Variants in PCP2 observed in about 807,000 individuals in gnomAD.
PCP2 encodes the protein Purkinje cell protein 2.
In PCP2, 21 loss-of-function variants were observed where a neutral mutation model predicts 18.3. The observed-to-expected ratio is 1.14, with a 90% CI of 0.81 to 1.65. The LOEUF is 1.65. Ranked by LOEUF, PCP2 falls within the 40% of genes most tolerant of loss-of-function variation. PCP2 has a pLI of 0.00. For synonymous variants in PCP2, 85 were observed against 77.6 expected, an observed-to-expected ratio of 1.10 and a Z score of -0.50; for missense variants, 202 against 201.8, an observed-to-expected ratio of 1.00 and a Z score of 0.00.
chr19:7,631,991 G>T, intron 3 of PCP2, 183 bp from the exon 4 acceptor site: 1 of 547,648 alleles, frequency 1.8e-6, no homozygotes, highest in Non-Finnish European at 2.9e-6. Flanking sequence ...CAGGTCTTGG[G>T]GCCCTCGCTG....
intron 1 of PCP2, 106 bp downstream of exon 1, chr19:7,633,301 G>T: frequency 1.7e-6 from 2 of 1,164,908 alleles, no homozygotes; most frequent in Non-Finnish European, 2.5e-6. Flanking sequence ...GGGTCAGGGG[G>T]TCCTAGGAGA....
chr19:7,633,638 C>G lies in PCP2; in HGVS notation c.-181G>C, dbSNP rs1200556236. The G allele has an allele frequency of 3.2e-6, 2 of 626,850 alleles. No individual in the cohort carries two copies. Among genetic ancestry groups the G allele is most frequent in the African/African-American group, 3.7e-5 (2 of 53,610 alleles). 38.8% of individuals were successfully genotyped at this position (626,850 alleles called of 1,614,324 possible). On this transcript the variant is annotated 5_prime_UTR_variant, in exon 1 of 4. Coordinates refer to ENST00000311069, the MANE Select transcript of PCP2 (RefSeq NM_174895.3). ...AAGATCATCCAGATAATTGTTTGCC[C>G]ACAACGATGCTGGATCTGGCATGGT...
In PCP2 at chr19:7,633,536, G is replaced by C. The variant is rs558700311; in HGVS notation, c.-79C>G. The C allele has an allele frequency of 1.4e-6, 2 of 1,410,016 alleles. No homozygotes were observed. Among genetic ancestry groups the C allele is most frequent in the Non-Finnish European group, 2.0e-6 (2 of 1,022,100 alleles). 87.3% of individuals were successfully genotyped at this position (1,410,016 alleles called of 1,614,324 possible). Reference sequence around the variant, plus strand: ...AGAGGGCCTTTTAAACGTCCAGGACGTGGGGGTGTGGATTCCCCCCATCCC... The same window carrying C: ...AGAGGGCCTTTTAAACGTCCAGGACCTGGGGGTGTGGATTCCCCCCATCCC... On this transcript the variant is annotated 5_prime_UTR_variant, in exon 1 of 4. Transcript: ENST00000311069.
rs1272588014 is a variant in PCP2 at position 7,633,035 on chromosome 19, G to A, written c.52-205C>T. ...CCCAATCCCGGCCCCCGCCCCAGGG[G>A]CCCTGGCCAGCAGTGCCACTTCACG... is the stretch of plus-strand genomic sequence containing the variant. On this transcript the variant is annotated intron_variant, in intron 1 of 3. Transcript: ENST00000311069. The A allele has an allele frequency of 3.5e-6, 5 of 1,425,448 alleles. No individual in the cohort carries two copies. The East Asian group carries it at 1.0e-4, about 29-fold the overall frequency. 88.3% of individuals were successfully genotyped at this position (1,425,448 alleles called of 1,614,324 possible). A position where few individuals can be genotyped will look rare whatever the true frequency, so the allele number is the denominator to read the frequency against.
At chr19:7,635,105 G>T (rs1476754904), upstream of PCP2, among the ~76,000 whole-genome samples, 1 of 152,156 alleles carries the variant, frequency 6.6e-6, no homozygotes, top group African/African-American at 2.4e-5. Context: ...CATATCTTTT[G>T]GGGGTTAGTG....
rs1568459397 is a variant in PCP2 at position 7,632,969 on chromosome 19, CCT to C, written c.52-141_52-140del. ...AGCTCTCACCATGGTCCCCGCCGAT[CCT>C]CTCTGCAGAGCTGTTCTGAATGAGA... On this transcript the variant is annotated intron_variant, in intron 1 of 3. Transcript: ENST00000311069. This position sits in a 1 kb window ranked among gnomAD's most constrained non-coding sequence, Gnocchi z 5.2. 2.7e-6 allele frequency: 4 copies of C among 1,468,316 alleles called. No homozygotes were observed. Among genetic ancestry groups the C allele is most frequent in the South Asian group, 1.4e-5 (1 of 73,188 alleles). 91.0% of individuals were successfully genotyped at this position (1,468,316 alleles called of 1,614,324 possible).
At chr19:7,633,284 C>T (rs2146197604) in intron 1 of PCP2, 123 bp downstream of exon 1, 6 of 1,046,944 alleles carry the variant, frequency 5.7e-6, no homozygotes, top group Non-Finnish European at 5.6e-6. Flanking sequence ...TTTCTACAGC[C>T]ACAACTGGGT....
Position 7,632,135 on chromosome 19 carries a change from TCC to T in PCP2, c.291+256_291+257del. 1 of 600,552 alleles carries T rather than the reference TCC, an allele frequency of 1.7e-6. No homozygotes were observed. The highest frequency in any genetic ancestry group is 2.8e-6 in the Non-Finnish European group (1 of 351,704). The allele number at this position is 600,552 out of a possible 1,614,324, so 37.2% of individuals were successfully genotyped here. On this transcript the variant is annotated intron_variant, in intron 3 of 3. Coordinates refer to ENST00000311069, the MANE Select transcript of PCP2 (RefSeq NM_174895.3). The surrounding 1 kb of genome is among the most constrained non-coding windows in gnomAD (Gnocchi z 5.2). ...TTTCCTAGGAAGGGGTCCTATTTTC[TCC>T]CTTTGGCCTCCCCAGAACCTTCAGA...
Position 7,632,772 on chromosome 19 carries a change from C to CG in PCP2, c.109dup (p.Arg37ProfsTer44), listed in dbSNP as rs2031379174. 6.4e-7 allele frequency: 1 copy of CG among 1,567,974 alleles called. No homozygotes were observed. Among genetic ancestry groups the CG allele is most frequent in the Non-Finnish European group, 8.6e-7 (1 of 1,160,476 alleles). ...CAGTGAACAGCGCTGTCCCTCCATCCGGTCGCCCTGCACGTGGCTCAGCAG... is the reference window on the plus strand; with the variant it reads ...CAGTGAACAGCGCTGTCCCTCCATCCGGGTCGCCCTGCACGTGGCTCAGCAG... On this transcript the variant is annotated frameshift_variant, in exon 2 of 4. Coordinates refer to ENST00000311069, the MANE Select transcript of PCP2 (RefSeq NM_174895.3). LOFTEE classifies it high-confidence loss of function. The surrounding 1 kb of genome is among the most constrained non-coding windows in gnomAD (Gnocchi z 5.2).
chr19:7,634,600 G>A (rs141498353), upstream of PCP2, among the ~76,000 whole-genome samples: 192 of 152,318 alleles, frequency 1.3e-3, no homozygotes, highest in African/African-American at 4.5e-3. Flanking sequence ...AAACTCCTGG[G>A]TTCATGTGAT....
In PCP2 at chr19:7,633,602, T is replaced by A; in HGVS notation, c.-145A>T. 1 of 727,130 alleles carries A rather than the reference T, an allele frequency of 1.4e-6. No individual in the cohort carries two copies. Among genetic ancestry groups the A allele is most frequent in the East Asian group, 2.8e-5 (1 of 36,232 alleles). The allele number at this position is 727,130 out of a possible 1,614,324, so 45.0% of individuals were successfully genotyped here. A position where few individuals can be genotyped will look rare whatever the true frequency, so the allele number is the denominator to read the frequency against. ...TGCCCCATCTGCTCCCACCCAAGCT[T>A]AAGCCCCATAAAGATCATCCAGATA... On this transcript the variant is annotated 5_prime_UTR_variant, in exon 1 of 4. The change abolishes the stop of an existing upstream ORF in the 5' untranslated region. Transcript: ENST00000311069.
At chr19:7,634,474 C>T (rs1038539935), upstream of PCP2, among the ~76,000 whole-genome samples, 3 of 152,184 alleles carry the variant, frequency 2.0e-5, no homozygotes, top group East Asian at 3.9e-4. Flanking sequence ...GTATCCCTTT[C>T]CTAGGCCTGC....
Position 7,633,396 on chromosome 19 carries a change from G to A in PCP2, c.51+11C>T. Reference sequence around the variant, plus strand: ...TGAGCTGGGGGTGGGGTGGGGGCAGGGCCCTCTCACCTCGGCACAGGGGCC... The same window carrying A: ...TGAGCTGGGGGTGGGGTGGGGGCAGAGCCCTCTCACCTCGGCACAGGGGCC... On this transcript the variant is annotated intron_variant, in intron 1 of 3. Transcript: ENST00000311069. 6.4e-7 allele frequency: 1 copy of A among 1,565,848 alleles called. No individual in the cohort carries two copies. Among genetic ancestry groups the A allele is most frequent in the Non-Finnish European group, 8.7e-7 (1 of 1,153,846 alleles).
chr19:7,633,583 A>G lies in PCP2; in HGVS notation c.-126T>C. On this transcript the variant is annotated 5_prime_UTR_variant, in exon 1 of 4. The change abolishes an upstream ATG in the 5' untranslated region. Coordinates refer to ENST00000311069, the MANE Select transcript of PCP2 (RefSeq NM_174895.3). ...TCCCCAAATCCCCAGCTCATGCCCC[A>G]TCTGCTCCCACCCAAGCTTAAGCCC... is the stretch of plus-strand genomic sequence containing the variant. 1.2e-6 allele frequency: 1 copy of G among 847,084 alleles called. No individual in the cohort carries two copies. Among genetic ancestry groups the G allele is most frequent in the East Asian group, 2.7e-5 (1 of 37,042 alleles). The allele number at this position is 847,084 out of a possible 1,614,324, so 52.5% of individuals were successfully genotyped here.
Position 7,632,685 on chromosome 19 carries a change from C to G in PCP2, c.166+31G>C. The G allele has an allele frequency of 6.5e-7, 1 of 1,548,800 alleles. No individual in the cohort carries two copies. The highest frequency in any genetic ancestry group is 1.2e-5 in the South Asian group (1 of 85,496). On this transcript the variant is annotated intron_variant, in intron 2 of 3. Transcript: ENST00000311069. The surrounding 1 kb of genome is among the most constrained non-coding windows in gnomAD (Gnocchi z 5.2). Reference sequence around the variant, plus strand: ...CCTGCACTCCCACCCCGTTCACGCCCCATGGACAGCACCCCCGTGCCCATG... The same window carrying G: ...CCTGCACTCCCACCCCGTTCACGCCGCATGGACAGCACCCCCGTGCCCATG...
Position 7,632,055 on chromosome 19 carries a change from T to G in PCP2, c.292-247A>C. ...TATGTGTGAAGTCAACAGATGTGAG[T>G]ATACAGATGTATATATCCTATGTGT... On this transcript the variant is annotated intron_variant, in intron 3 of 3. Transcript: ENST00000311069. This position sits in a 1 kb window ranked among gnomAD's most constrained non-coding sequence, Gnocchi z 5.2. 3.9e-6 allele frequency: 2 copies of G among 510,832 alleles called. No homozygotes were observed. Among genetic ancestry groups the G allele is most frequent in the Non-Finnish European group, 6.8e-6 (2 of 292,688 alleles). The allele number at this position is 510,832 out of a possible 1,614,324, so 31.6% of individuals were successfully genotyped here. A position where few individuals can be genotyped will look rare whatever the true frequency, so the allele number is the denominator to read the frequency against.
At position 7,631,747 on chromosome 19, in the gene PCP2, G is replaced by C. The variant is rs777371438; in HGVS notation, c.353C>G (p.Pro118Arg). The C allele has an allele frequency of 7.0e-7, 1 of 1,438,268 alleles. No individual in the cohort carries two copies. The highest frequency in any genetic ancestry group is 1.5e-5 in the African/African-American group (1 of 68,538). 89.1% of individuals were successfully genotyped at this position (1,438,268 alleles called of 1,614,324 possible). The change falls in exon 4 of 4, where the codon CCG becomes CGG. Residue 118 changes from proline to arginine, a missense_variant. Pro to Arg is a moderately radical substitution (Grantham distance 103). Transcript: ENST00000311069. ...GTTCCGACGGAAGCCGAGAGCGGTC[G>C]GGTCCTGAGGGGTGAGCAGGGGTTG... Reference protein sequence around the residue: ...SPQPLLTPQDPTALGFRRNSS... With the variant: ...SPQPLLTPQDRTALGFRRNSS...
chr19:7,632,305 C>G lies in PCP2; in HGVS notation c.291+88G>C. On this transcript the variant is annotated intron_variant, in intron 3 of 3. Coordinates refer to ENST00000311069, the MANE Select transcript of PCP2 (RefSeq NM_174895.3). This position sits in a 1 kb window ranked among gnomAD's most constrained non-coding sequence, Gnocchi z 5.2. ...AGCGGATGGACAGAGATGGGGCAGGCCCTGTTCCCTCCTGGCTGGGGTGGA... is the reference window on the plus strand; with the variant it reads ...AGCGGATGGACAGAGATGGGGCAGGGCCTGTTCCCTCCTGGCTGGGGTGGA... 1 of 1,567,102 alleles carries G rather than the reference C, an allele frequency of 6.4e-7. No homozygotes were observed. The highest frequency in any genetic ancestry group is 8.7e-7 in the Non-Finnish European group (1 of 1,155,198).
intron 1 of PCP2, chr19:7,633,050 GC>G: frequency 7.2e-7 from 1 of 1,393,730 alleles, no homozygotes; most frequent in Non-Finnish European, 9.4e-7. Flanking sequence ...GGCCAGCAGT[GC>G]CACTTCACGT....
Sources: gnomAD v4.1 joint callset for allele counts (sites outside exome capture counted in the v4.1 genomes callset) on GRCh38, gnomAD v4.1.1 for gene constraint, Gnocchi (gnomAD v3.1) non-coding constraint, MANE v1.5 for transcripts, NCBI Gene and HGNC (gene_info 2026-07-23, HGNC 2026-07-21) for gene names.